The following LIG3 variants were observed in gnomAD, a reference collection of about 807,000 sequenced individuals.
LIG3 encodes DNA ligase 3, also known as ligase II, DNA, ATP-dependent.
A neutral mutation model predicts 110.9 loss-of-function variants in LIG3; 58 were observed. The ratio of observed to expected loss-of-function variants is 0.52; its 90% CI spans 0.42 to 0.65. LIG3 has a LOEUF of 0.65. Ranked by LOEUF, LIG3 falls within the 30% of genes least tolerant of loss-of-function variation. The pLI is 0.00. For missense variants in LIG3, 1,094 were observed against 1,273.8 expected (o/e 0.86, Z 2.15); for synonymous variants, 422 against 472.8 (o/e 0.89, Z 1.39).
chr17:35,002,118 G>T lies in LIG3; in HGVS notation c.2674+14G>T. Reference sequence around the variant, plus strand: ...ACAGCAAAGATGGTAAGGATAGGGAGGGGGCTGGTATGGTGAAGAGGGCGG... The same window carrying T: ...ACAGCAAAGATGGTAAGGATAGGGATGGGGCTGGTATGGTGAAGAGGGCGG... On this transcript the variant is annotated intron_variant, in intron 18 of 19. Coordinates refer to ENST00000378526, the MANE Select transcript of LIG3 (RefSeq NM_013975.4). 6.4e-7 allele frequency: 1 copy of T among 1,554,760 alleles called. No individual in the cohort carries two copies.
rs564927633 is a variant in LIG3, at chr17:34,991,051, T to C, written c.978T>C (p.Ile326=). 5 of 1,614,170 alleles carry C rather than the reference T, an allele frequency of 3.1e-6. No individual in the cohort carries two copies. In the South Asian group the frequency reaches 5.5e-5, roughly 18 times the overall value. Residue 326 remains isoleucine, a synonymous_variant, in exon 5 of 20, where the codon ATT becomes ATC. Transcript: ENST00000378526. ...KTVYNLNDKQ[I]VKLFSRIFNC... The stretch of plus-strand genomic sequence containing the variant: ...TTTACAACTTGAACGATAAGCAGAT[T>C]GTGAAGCTTTTCAGTCGCATTTTTA...
chr17:35,007,030 C>G lies in LIG3; in HGVS notation c.*2524C>G, dbSNP rs1316754231. 1 of 152,274 alleles carries G rather than the reference C, an allele frequency of 6.6e-6. No individual in the cohort carries two copies. Among genetic ancestry groups the G allele is most frequent in the Non-Finnish European group, 1.5e-5 (1 of 68,084 alleles). 9.4% of individuals were successfully genotyped at this position (152,274 alleles called of 1,614,324 possible). On this transcript the variant is annotated 3_prime_UTR_variant, in exon 20 of 20. Coordinates refer to ENST00000378526, the MANE Select transcript of LIG3 (RefSeq NM_013975.4). ...TCTATGGAGACAAAAAGCTGCTCCT[C>G]CTTTGAGTACTGACCTACATAGATT...
chr17:34,990,332 C>T (rs574071078), intron 4 of LIG3, among the ~76,000 whole-genome samples: 57 of 150,654 alleles, frequency 3.8e-4, no homozygotes, highest in Non-Finnish European at 7.3e-4. Context: ...CAGGCTGGAG[C>T]GCATGGGTGC....
rs372207276 is a variant in LIG3, at chr17:35,002,705, G to C, written c.2712G>C (p.Val904=). Residue 904 remains valine (V), a synonymous_variant, in exon 19 of 20, where the codon GTG becomes GTC. Transcript: ENST00000378526. ...MQTAKPSAMK[V]GEKLATKSSP... ...CTGCAAAGCCTTCCGCTATGAAGGT[G>C]GGGGAGAAGCTGGCCACAAAGTCTT... 4.4e-5 allele frequency: 71 copies of C among 1,613,698 alleles called. No individual in the cohort carries two copies. The African/African-American group carries it at 6.3e-4, about 14-fold the overall frequency.
chr17:34,981,835 T>C (rs1456784269), intron 1 of LIG3, among the ~76,000 whole-genome samples: 1 of 152,250 alleles, frequency 6.6e-6, no homozygotes, highest in African/African-American at 2.4e-5. Flanking sequence ...AAAACATGAA[T>C]ATAAGAAGAT....
intron 14 of LIG3, chr17:34,999,097 C>T: frequency 1.7e-6 from 1 of 573,372 alleles, no homozygotes; most frequent in East Asian, 2.9e-5. Flanking sequence ...CCCCAGAGCC[C>T]AACAGGTTGG....
Position 34,991,957 on chromosome 17 carries a change from G to A in LIG3, c.1209-1G>A. The A allele has an allele frequency of 6.2e-7, 1 of 1,614,086 alleles. No individual in the cohort carries two copies. Among genetic ancestry groups the A allele is most frequent in the Non-Finnish European group, 8.5e-7 (1 of 1,179,900 alleles). ...AAGTTAAATGTGCTTCATCCCCCTAGGTGTACAGCCAATGACCTTAAATGC... is the reference window on the plus strand; with the variant it reads ...AAGTTAAATGTGCTTCATCCCCCTAAGTGTACAGCCAATGACCTTAAATGC... On this transcript the variant is annotated splice_acceptor_variant, in intron 6 of 19. Coordinates refer to ENST00000378526, the MANE Select transcript of LIG3 (RefSeq NM_013975.4). LOFTEE classifies it high-confidence loss of function.
rs1254250888 is a variant in LIG3, at chr17:35,001,385, T to C, written c.2460T>C (p.Thr820=). ...IRDDKDWKSA[T]NLPQLKELYQ... ...ATGATAAGGACTGGAAATCTGCCAC[T>C]AACCTTCCCCAACTCAAGGTAGCAG... is the stretch of plus-strand genomic sequence containing the variant. The change falls in exon 17 of 20, where the codon ACT becomes ACC. Residue 820 remains threonine, a synonymous_variant. Transcript: ENST00000378526. 2 of 1,614,172 alleles carry C rather than the reference T, an allele frequency of 1.2e-6. No individual in the cohort carries two copies. Among genetic ancestry groups the C allele is most frequent in the Non-Finnish European group, 8.5e-7 (1 of 1,179,990 alleles).
In LIG3 at chr17:34,980,564, C is replaced by A. The variant is rs577824677; in HGVS notation, c.-63C>A. 12 of 1,287,664 alleles carry A rather than the reference C, an allele frequency of 9.3e-6. No individual in the cohort carries two copies. The highest frequency in any genetic ancestry group is 1.2e-5 in the Non-Finnish European group (12 of 987,808). 79.8% of individuals were successfully genotyped at this position (1,287,664 alleles called of 1,614,324 possible). A position where few individuals can be genotyped will look rare whatever the true frequency, so the allele number is the denominator to read the frequency against. On this transcript the variant is annotated 5_prime_UTR_variant, in exon 1 of 20. Transcript: ENST00000378526. ...GGCGCTCCAACCGTCGTGGGCTGCC[C>A]GCGGCCTGTAATGAGCAAGTTCCGA...
At chr17:34,987,193 T>A (rs2090665461) in intron 3 of LIG3, among the ~76,000 whole-genome samples, 1 of 152,250 alleles carries the variant, frequency 6.6e-6, no homozygotes, top group South Asian at 2.1e-4. Context: ...TCAGGAAGAC[T>A]TTGCTGGGGC....
chr17:35,002,953 G>A, intron 19 of LIG3, 164 bp downstream of exon 19: 1 of 1,613,550 alleles, frequency 6.2e-7, no homozygotes, highest in Non-Finnish European at 8.5e-7. Context: ...GGCAGGGTCA[G>A]CAATGCTGCT....
At position 35,003,410 on chromosome 17, in the gene LIG3, G is replaced by A. The variant is rs2090866079; in HGVS notation, c.2796+621G>A. On this transcript the variant is annotated intron_variant, in intron 19 of 19. Transcript: ENST00000378526. ...GCTCACTGCAACCTCCGCCTCCCAG[G>A]TTCAAGCGATTCTCCGGCTTCAGCC... 3.2e-5 allele frequency: 7 copies of A among 217,260 alleles called. 1 individual carries two copies. The South Asian group carries it at 5.3e-4, about 17-fold the overall frequency. 13.5% of individuals were successfully genotyped at this position (217,260 alleles called of 1,614,324 possible).
At chr17:34,995,582 G>A (rs2090769194) in intron 9 of LIG3, among the ~76,000 whole-genome samples, 1 of 152,152 alleles carries the variant, frequency 6.6e-6, no homozygotes, top group South Asian at 2.1e-4. Context: ...AGTGATGGCT[G>A]TGGGTTCAGG....
rs1044406726 is a variant in LIG3, at chr17:34,980,624, T to G, written c.-5+2T>G. 5 of 1,279,164 alleles carry G rather than the reference T, an allele frequency of 3.9e-6. No individual in the cohort carries two copies. Among genetic ancestry groups the G allele is most frequent in the Middle Eastern group, 2.3e-4 (1 of 4,320 alleles). 79.2% of individuals were successfully genotyped at this position (1,279,164 alleles called of 1,614,324 possible). A position where few individuals can be genotyped will look rare whatever the true frequency, so the allele number is the denominator to read the frequency against. On this transcript the variant is annotated splice_donor_variant, in intron 1 of 19. Coordinates refer to ENST00000378526, the MANE Select transcript of LIG3 (RefSeq NM_013975.4). LOFTEE classifies it low-confidence loss of function (5UTR_SPLICE). Reference sequence around the variant, plus strand: ...TGAGCGCCGGAGCCGGAGAGGCAGGTGAGGGGCTACGCGGCGCGGCACGGC... The same window carrying G: ...TGAGCGCCGGAGCCGGAGAGGCAGGGGAGGGGCTACGCGGCGCGGCACGGC...
At chr17:34,982,408 G>A (rs1331028801) in intron 1 of LIG3, among the ~76,000 whole-genome samples, 1 of 152,148 alleles carries the variant, frequency 6.6e-6, no homozygotes, top group Non-Finnish European at 1.5e-5. Flanking sequence ...ACTTTGGGAG[G>A]CCGAGGCGGG....
chr17:34,997,622 C>A, intron 11 of LIG3, 116 bp from the exon 12 acceptor site: 1 of 755,572 alleles, frequency 1.3e-6, no homozygotes, highest in East Asian at 2.6e-5. Context: ...GGTCTTTGAT[C>A]CATGGCAAAC....
In LIG3 at chr17:34,999,839, A is replaced by G. The variant is rs1198351288; in HGVS notation, c.2314A>G (p.Ile772Val). ...CAACAAGATCTACTATCCTGACTTC[A>G]TCGTCCCAGACCCAAAGGTATCAAC... ...KVNKIYYPDFIVPDPKKAAVW... is the reference protein window; with the variant it reads ...KVNKIYYPDFVVPDPKKAAVW... Residue 772 changes from isoleucine (I) to valine (V), a missense_variant, in exon 16 of 20, where the codon ATC (isoleucine) becomes GTC (valine). By Grantham distance (29) the Ile-to-Val change is conservative (BLOSUM62 3). Transcript: ENST00000378526. 6.2e-7 allele frequency: 1 copy of G among 1,614,052 alleles called. No individual in the cohort carries two copies. Among genetic ancestry groups the G allele is most frequent in the Non-Finnish European group, 8.5e-7 (1 of 1,179,942 alleles).
chr17:34,991,150 A>C, intron 5 of LIG3, 36 bp downstream of exon 5: 1 of 1,601,584 alleles, frequency 6.2e-7, no homozygotes. Context: ...GCTACATTCC[A>C]GGTGGGGTTT....
At position 35,006,816 on chromosome 17, in the gene LIG3, C is replaced by CG. The variant is rs2090898459; in HGVS notation, c.*2310_*2311insG. The CG allele has an allele frequency of 6.8e-6, 1 of 147,946 alleles. No individual in the cohort carries two copies. Among genetic ancestry groups the CG allele is most frequent in the South Asian group, 2.1e-4 (1 of 4,790 alleles). The allele number at this position is 147,946 out of a possible 1,614,324, so 9.2% of individuals were successfully genotyped here. Reference sequence around the variant, plus strand: ...CTGCGCCCCCTGGCCACCCCACCGCCCCCCCCCAACTTTGATCTGATTGAC... The same window carrying CG: ...CTGCGCCCCCTGGCCACCCCACCGCCGCCCCCCCAACTTTGATCTGATTGAC... On this transcript the variant is annotated 3_prime_UTR_variant, in exon 20 of 20. Transcript: ENST00000378526.
Sources: allele counts gnomAD v4.1 joint callset (sites outside exome capture counted in the v4.1 genomes callset), GRCh38; gene constraint gnomAD v4.1.1; transcripts MANE v1.5; gene names NCBI Gene and HGNC (gene_info 2026-07-23, HGNC 2026-07-21).